PTPRR: variants seen among roughly 807,000 people sequenced by gnomAD.
PTPRR encodes the protein receptor-type tyrosine-protein phosphatase R.
In PTPRR, 38 loss-of-function variants were observed where a neutral mutation model predicts 77.2. That is an observed-to-expected ratio of 0.49 (90% CI 0.38 to 0.65). The LOEUF is 0.65. Among genes scored for constraint, PTPRR ranks in the 30% least tolerant of loss-of-function variants. The pLI is 0.00. For synonymous variants in PTPRR, 299 were observed against 283.1 expected, an observed-to-expected ratio of 1.06 and a Z score of -0.57; for missense variants, 744 against 799.2, an observed-to-expected ratio of 0.93 and a Z score of 0.83.
chr12:70,898,223 A>C (rs1893468092), intron 1 of PTPRR, among the ~76,000 whole-genome samples: 1 of 119,660 alleles, frequency 8.4e-6, no homozygotes, highest in South Asian at 2.6e-4. Context: ...CAATTAGAGA[A>C]ACCTTAAAAA....
Position 70,754,406 on chromosome 12 carries a change from T to C in PTPRR, c.628-105A>G, listed in dbSNP as rs1392683449. 36 of 1,574,306 alleles carry C rather than the reference T, an allele frequency of 2.3e-5. 1 individual carries two copies. Among genetic ancestry groups the C allele is most frequent in the Admixed American group, 1.9e-4 (10 of 51,386 alleles). On this transcript the variant is annotated intron_variant, in intron 4 of 13. Transcript: ENST00000283228. ...TTTAGCCTTATTCCATTCAGTGTAG[T>C]GCAACACACCTACACCCCCCGCTGC...
intron 2 of PTPRR, among the ~76,000 whole-genome samples, chr12:70,817,083 G>T (rs1364889442): frequency 6.6e-6 from 1 of 152,036 alleles, no homozygotes; most frequent in Non-Finnish European, 1.5e-5. Flanking sequence ...ACAAATGAAT[G>T]AATACTATTA....
At chr12:70,917,609 T>G (rs2137142711) in intron 1 of PTPRR, among the ~76,000 whole-genome samples, 1 of 152,200 alleles carries the variant, frequency 6.6e-6, no homozygotes, top group South Asian at 2.1e-4. Flanking sequence ...TGGTACCCAC[T>G]CCTCATTTTT....
Position 70,684,702 on chromosome 12 carries a change from A to AC in PTPRR, c.1359+1dup. On this transcript the variant is annotated splice_donor_variant, in intron 9 of 13. Coordinates refer to ENST00000283228, the MANE Select transcript of PTPRR (RefSeq NM_002849.4). LOFTEE classifies it high-confidence loss of function. ...GAAAGAAATTTGTACTTATTTACTT[A>AC]CCCTAATATAATTAGCATTAATGTA... 6.4e-7 allele frequency: 1 copy of AC among 1,555,856 alleles called. No individual in the cohort carries two copies. Among genetic ancestry groups the AC allele is most frequent in the Non-Finnish European group, 8.8e-7 (1 of 1,141,524 alleles).
chr12:70,705,820 T>C (rs1458235765), intron 6 of PTPRR, among the ~76,000 whole-genome samples: 2 of 152,052 alleles, frequency 1.3e-5, no homozygotes, highest in African/African-American at 4.8e-5. Flanking sequence ...GCAAGAACTT[T>C]AATGTTGATG....
intron 6 of PTPRR, among the ~76,000 whole-genome samples, chr12:70,702,455 A>T (rs563446425): frequency 6.6e-6 from 1 of 152,254 alleles, no homozygotes; most frequent in African/African-American, 2.4e-5. Flanking sequence ...GAGTAAAGAC[A>T]GTAAGAGTAG....
At chr12:70,887,439 G>A (rs1893258953) in intron 2 of PTPRR, among the ~76,000 whole-genome samples, 1 of 119,920 alleles carries the variant, frequency 8.3e-6, no homozygotes, top group Non-Finnish European at 1.7e-5. Flanking sequence ...GCAACAGAGC[G>A]AGACTCTTTC....
intron 2 of PTPRR, among the ~76,000 whole-genome samples, chr12:70,770,793 G>T (rs1484711775): frequency 6.6e-6 from 1 of 152,032 alleles, no homozygotes; most frequent in Admixed American, 6.6e-5. Context: ...AGAAAATGTG[G>T]CACATATACA....
At chr12:70,903,051 T>C (rs1428409188) in intron 1 of PTPRR, among the ~76,000 whole-genome samples, 3 of 151,730 alleles carry the variant, frequency 2.0e-5, no homozygotes, top group Non-Finnish European at 4.4e-5. Flanking sequence ...CACTTATATG[T>C]GAAATCTAGA....
intron 6 of PTPRR, among the ~76,000 whole-genome samples, chr12:70,712,266 T>A (rs1888852489): frequency 6.6e-6 from 1 of 152,084 alleles, no homozygotes; most frequent in African/African-American, 2.4e-5. Context: ...CTTGATTTGA[T>A]CACCGTGATC....
At chr12:70,912,860 C>T (rs150856132) in intron 1 of PTPRR, among the ~76,000 whole-genome samples, 6 of 152,040 alleles carry the variant, frequency 3.9e-5, no homozygotes, top group South Asian at 2.1e-4. Context: ...CTTTATTTTT[C>T]GAAACTACTA....
intron 3 of PTPRR, among the ~76,000 whole-genome samples, chr12:70,763,027 C>G (rs1358964779): frequency 1.3e-5 from 2 of 151,854 alleles, no homozygotes; most frequent in Non-Finnish European, 2.9e-5. Flanking sequence ...TATATCATCT[C>G]TCTATATATC....
chr12:70,865,035 G>C (rs1308095252), intron 2 of PTPRR, among the ~76,000 whole-genome samples: 1 of 151,902 alleles, frequency 6.6e-6, no homozygotes, highest in African/African-American at 2.4e-5. Context: ...GGCTGGTCTC[G>C]AACTCCTGAC....
chr12:70,653,477 G>A (rs539303155), intron 13 of PTPRR, among the ~76,000 whole-genome samples: 1 of 152,052 alleles, frequency 6.6e-6, no homozygotes, highest in Admixed American at 6.6e-5. Flanking sequence ...AGGATTGGGG[G>A]GTAAAGAGAG....
At chr12:70,718,194 A>G (rs1889104686) in intron 6 of PTPRR, among the ~76,000 whole-genome samples, 1 of 152,164 alleles carries the variant, frequency 6.6e-6, no homozygotes, top group Non-Finnish European at 1.5e-5. Flanking sequence ...TTGAGACAAC[A>G]AAGTATTGTA....
chr12:70,769,618 C>A (rs1890918957), intron 2 of PTPRR, among the ~76,000 whole-genome samples: 1 of 152,132 alleles, frequency 6.6e-6, no homozygotes, highest in Non-Finnish European at 1.5e-5. Context: ...CCATCCCCAT[C>A]AAGCTACCAA....
At chr12:70,796,627 T>C (rs1365748308) in intron 2 of PTPRR, among the ~76,000 whole-genome samples, 1 of 152,142 alleles carries the variant, frequency 6.6e-6, no homozygotes, top group Admixed American at 6.6e-5. Flanking sequence ...GAATTTACGT[T>C]TTTAGGGGAT....
rs756123500 is a variant in PTPRR, at chr12:70,701,291, A to G, written c.1040T>C (p.Met347Thr). ...RGSNVSLTLDMSSLGNIEPFV... is the reference protein window; with the variant it reads ...RGSNVSLTLDTSSLGNIEPFV... ...GGGTTCAATGTTCCCCAAGCTACTC[A>G]TGTCCAATGTAAGAGATACGTTGGA... is the stretch of plus-strand genomic sequence containing the variant. The change falls in exon 7 of 14, where the codon ATG (methionine) becomes ACG (threonine). Residue 347 changes from methionine (M) to threonine (T), a missense_variant. Around this residue, in one of 3 missense-constraint regions of PTPRR, gnomAD observed 570 missense variants for 573.2 expected, o/e 0.99. Coordinates refer to ENST00000283228, the MANE Select transcript of PTPRR (RefSeq NM_002849.4). The G allele has an allele frequency of 6.2e-7, 1 of 1,613,912 alleles. No individual in the cohort carries two copies. The highest frequency in any genetic ancestry group is 8.5e-7 in the Non-Finnish European group (1 of 1,179,880).
At chr12:70,669,358 T>C (rs1401853897) in intron 10 of PTPRR, among the ~76,000 whole-genome samples, 1 of 151,986 alleles carries the variant, frequency 6.6e-6, no homozygotes, top group East Asian at 1.9e-4. Context: ...AAGCTCTCAC[T>C]TACTCCCATT....
Sources: allele counts gnomAD v4.1 joint callset (sites outside exome capture counted in the v4.1 genomes callset), GRCh38; gene constraint gnomAD v4.1.1; regional missense constraint gnomAD v4.1.1; transcripts MANE v1.5; gene names NCBI Gene and HGNC (gene_info 2026-07-23, HGNC 2026-07-21).